The following LRRTM3 variants were observed in gnomAD, a reference collection of about 807,000 sequenced individuals.
LRRTM3 encodes the protein leucine-rich repeat transmembrane neuronal protein 3.
LRRTM3 carries 24 observed loss-of-function variants against 44.7 expected under a neutral mutation model. That is an observed-to-expected ratio of 0.54 (90% CI 0.39 to 0.76). The LOEUF (loss-of-function observed/expected upper bound fraction) is 0.76. Among genes scored for constraint, LRRTM3 ranks in the 30% least tolerant of loss-of-function variants. The probability of loss-of-function intolerance (pLI) is 0.00; values close to 1 mark genes in which losing one functional copy is unlikely to be tolerated. For missense variants in LRRTM3, 587 were observed against 702.2 expected, an observed-to-expected ratio of 0.84 and a Z score of 1.85; for synonymous variants, 277 against 278.7, an observed-to-expected ratio of 0.99 and a Z score of 0.06.
intron 2 of LRRTM3, among the ~76,000 whole-genome samples, chr10:67,029,418 C>T (rs1206532218): frequency 2.0e-5 from 3 of 152,096 alleles, no homozygotes; most frequent in Non-Finnish European, 4.4e-5. Flanking sequence ...GAGGTTAAAG[C>T]AGTTGGCATT....
At chr10:67,070,046 C>T (rs1248319075) in intron 2 of LRRTM3, among the ~76,000 whole-genome samples, 1 of 152,188 alleles carries the variant, frequency 6.6e-6, no homozygotes, top group African/African-American at 2.4e-5. Flanking sequence ...TGCTCTACAT[C>T]GTTGACCAAC....
intron 2 of LRRTM3, among the ~76,000 whole-genome samples, chr10:67,033,168 A>G (rs1283452071): frequency 6.6e-6 from 1 of 152,198 alleles, no homozygotes; most frequent in Non-Finnish European, 1.5e-5. Context: ...ATTGCTTTCA[A>G]ATATATGATC....
At chr10:66,991,884 C>T (rs974428691) in intron 2 of LRRTM3, among the ~76,000 whole-genome samples, 1 of 152,084 alleles carries the variant, frequency 6.6e-6, no homozygotes, top group South Asian at 2.1e-4. Flanking sequence ...CCAAAGAAAT[C>T]TCATTCTAGA....
chr10:66,953,483 A>G (rs1296181463), intron 2 of LRRTM3, among the ~76,000 whole-genome samples: 1 of 152,136 alleles, frequency 6.6e-6, no homozygotes. Context: ...GTACTTTCCC[A>G]ACAAAGAATA....
intron 2 of LRRTM3, among the ~76,000 whole-genome samples, chr10:66,996,667 A>AAAAAAAAAAAAAAAAAAAAAAAAC (rs1312117857): frequency 6.6e-6 from 1 of 150,920 alleles, no homozygotes; most frequent in African/African-American, 2.4e-5. Context: ...AAAAAAAAAA[A>AAAAAAAAAAAAAAAAAAAAAAAAC]AAAAGCATGT....
intron 2 of LRRTM3, among the ~76,000 whole-genome samples, chr10:67,071,407 A>G (rs1249499560): frequency 6.7e-6 from 1 of 148,340 alleles, no homozygotes. Context: ...ACAGAATTGT[A>G]GGTTTGCAGT....
At chr10:67,039,854 A>G (rs1432065601) in intron 2 of LRRTM3, among the ~76,000 whole-genome samples, 1 of 152,162 alleles carries the variant, frequency 6.6e-6, no homozygotes, top group Non-Finnish European at 1.5e-5. Flanking sequence ...ATCTTCCAAG[A>G]CCGTTACAGA....
chr10:66,981,526 T>A (rs532778368), intron 2 of LRRTM3, among the ~76,000 whole-genome samples: 2 of 152,294 alleles, frequency 1.3e-5, no homozygotes, highest in South Asian at 2.1e-4. Flanking sequence ...TTACAGCATA[T>A]CTCCATTGCA....
intron 2 of LRRTM3, among the ~76,000 whole-genome samples, chr10:67,026,856 G>A (rs933419027): frequency 2.6e-5 from 4 of 152,100 alleles, no homozygotes; most frequent in African/African-American, 9.7e-5. Context: ...AATCTACAAA[G>A]CTTATTTTCC....
chr10:67,010,806 G>T (rs994415306), intron 2 of LRRTM3, among the ~76,000 whole-genome samples: 4 of 152,272 alleles, frequency 2.6e-5, no homozygotes, highest in Middle Eastern at 3.4e-3. Context: ...ATCCATATTT[G>T]TATGCCCAGT....
chr10:67,008,649 C>T (rs923020791), intron 2 of LRRTM3, among the ~76,000 whole-genome samples: 4 of 152,182 alleles, frequency 2.6e-5, no homozygotes, highest in African/African-American at 9.7e-5. Context: ...ATTCATTTGT[C>T]TGGCTCTTAC....
intron 2 of LRRTM3, among the ~76,000 whole-genome samples, chr10:67,001,925 C>T (rs1400839142): frequency 6.6e-6 from 1 of 152,202 alleles, no homozygotes; most frequent in East Asian, 1.9e-4. Flanking sequence ...ATTTCTCTTT[C>T]AGTCAGGGCT....
intron 2 of LRRTM3, among the ~76,000 whole-genome samples, chr10:67,006,413 G>T (rs920814167): frequency 1.3e-5 from 2 of 152,014 alleles, no homozygotes; most frequent in Admixed American, 1.3e-4. Flanking sequence ...CCCTCTTTCT[G>T]TGCTATGTAT....
At chr10:67,081,132 C>T (rs1017234551) in intron 2 of LRRTM3, among the ~76,000 whole-genome samples, 1 of 152,104 alleles carries the variant, frequency 6.6e-6, no homozygotes, top group Non-Finnish European at 1.5e-5. Flanking sequence ...TTCTGACAGA[C>T]AGAGCTTATA....
At position 66,961,600 on chromosome 10, in the gene LRRTM3, T is replaced by C. The variant is rs574109590; in HGVS notation, c.1536+33148T>C. Among the ~76,000 whole-genome samples, 4 of 152,292 alleles carry C rather than the reference T, an allele frequency of 2.6e-5. No individual in the cohort carries two copies. In the East Asian group the frequency reaches 5.8e-4, roughly 22 times the overall value. ...TTTGTGTGTAAATTTACTCCTTTAG[T>C]GATTTCATCAATACTACTGATATAG... On this transcript the variant is annotated intron_variant, in intron 2 of 2. Transcript: ENST00000361320.
At chr10:67,028,628 TACA>T (rs1853532679) in intron 2 of LRRTM3, among the ~76,000 whole-genome samples, 1 of 142,500 alleles carries the variant, frequency 7.0e-6, no homozygotes, top group Admixed American at 7.4e-5. Context: ...AGATAACTGA[TACA>T]ACAAGCTAGT....
At chr10:67,013,711 G>T (rs1245137692) in intron 2 of LRRTM3, among the ~76,000 whole-genome samples, 2 of 152,162 alleles carry the variant, frequency 1.3e-5, no homozygotes, top group African/African-American at 4.8e-5. Flanking sequence ...AGGTAAAGCA[G>T]CTCAGTATAA....
intron 2 of LRRTM3, among the ~76,000 whole-genome samples, chr10:67,037,694 A>G (rs994230106): frequency 1.3e-5 from 2 of 152,226 alleles, no homozygotes; most frequent in Non-Finnish European, 2.9e-5. Context: ...AGAATGGAGT[A>G]TTGACAGGAC....
At chr10:66,967,873 G>A (rs1266153332) in intron 2 of LRRTM3, among the ~76,000 whole-genome samples, 1 of 152,046 alleles carries the variant, frequency 6.6e-6, no homozygotes, top group African/African-American at 2.4e-5. Flanking sequence ...TAGGTTCTTA[G>A]AAGGGAGGAA....
Sources: gnomAD v4.1 joint callset for allele counts (sites outside exome capture counted in the v4.1 genomes callset) on GRCh38, gnomAD v4.1.1 for gene constraint, MANE v1.5 for transcripts, NCBI Gene and HGNC (gene_info 2026-07-23, HGNC 2026-07-21) for gene names.